MYT1L: variants seen among roughly 807,000 people sequenced by gnomAD.
The protein encoded by MYT1L is myelin transcription factor 1 like.
In MYT1L, 12 loss-of-function variants were observed where a neutral mutation model predicts 126.7. That is an observed-to-expected ratio of 0.09 (90% CI 0.06 to 0.15). The LOEUF is 0.15. Among genes scored for constraint, MYT1L ranks in the 10% least tolerant of loss-of-function variants. The pLI, the probability that MYT1L is intolerant of heterozygous loss-of-function variation, is 1.00. For synonymous variants in MYT1L, 541 were observed against 604.2 expected, an observed-to-expected ratio of 0.90 and a Z score of 1.53; for missense variants, 979 against 1,585.2, an observed-to-expected ratio of 0.62 and a Z score of 6.49.
At chr2:2,085,820 C>G (rs1476076266) in intron 3 of MYT1L, among the ~76,000 whole-genome samples, 1 of 152,198 alleles carries the variant, frequency 6.6e-6, no homozygotes, top group Non-Finnish European at 1.5e-5. Context: ...ACACGCACCT[C>G]TCTCTGAGAC....
chr2:2,179,380 A>C (rs529112449), intron 2 of MYT1L, among the ~76,000 whole-genome samples: 36 of 152,236 alleles, frequency 2.4e-4, no homozygotes, highest in African/African-American at 8.7e-4. Context: ...AGATGAGTTC[A>C]CTTCACCCTC....
chr2:2,028,625 G>A (rs577558809), intron 4 of MYT1L, among the ~76,000 whole-genome samples: 2 of 152,308 alleles, frequency 1.3e-5, no homozygotes, highest in South Asian at 4.1e-4. Flanking sequence ...TCATGGTTCT[G>A]AAATATGCTC....
chr2:2,129,997 A>G (rs1480947700), intron 3 of MYT1L, among the ~76,000 whole-genome samples: 1 of 152,108 alleles, frequency 6.6e-6, no homozygotes, highest in Non-Finnish European at 1.5e-5. Flanking sequence ...TGACTACATA[A>G]ATTTTAATTT....
intron 5 of MYT1L, among the ~76,000 whole-genome samples, chr2:1,989,391 G>A (rs971974244): frequency 2.6e-5 from 4 of 152,122 alleles, no homozygotes; most frequent in African/African-American, 9.7e-5. Context: ...CAGCCCAGGA[G>A]CTGCAGCCCG....
chr2:1,964,627 T>A (rs1413129156), intron 8 of MYT1L, among the ~76,000 whole-genome samples: 1 of 152,206 alleles, frequency 6.6e-6, no homozygotes, highest in African/African-American at 2.4e-5. Flanking sequence ...TTAAAAAAAA[T>A]CTTAACTAGA....
At chr2:2,140,282 T>C (rs2083753109) in intron 3 of MYT1L, among the ~76,000 whole-genome samples, 1 of 152,144 alleles carries the variant, frequency 6.6e-6, no homozygotes, top group African/African-American at 2.4e-5. Flanking sequence ...ACATTAAAAG[T>C]CAGGAACCAA....
chr2:2,082,938 C>A (rs936904214), intron 3 of MYT1L, among the ~76,000 whole-genome samples: 11 of 152,060 alleles, frequency 7.2e-5, no homozygotes, highest in Non-Finnish European at 1.5e-5. Context: ...GTAAGCCAAC[C>A]CTGCTCTCTC....
chr2:1,799,916 C>T (rs1212171936), intron 23 of MYT1L, among the ~76,000 whole-genome samples: 1 of 152,150 alleles, frequency 6.6e-6, no homozygotes, highest in Non-Finnish European at 1.5e-5. Context: ...CCTCTGCTTG[C>T]ACTTCTCCTT....
intron 23 of MYT1L, among the ~76,000 whole-genome samples, chr2:1,796,847 A>T (rs569073805): frequency 1.3e-5 from 2 of 152,222 alleles, no homozygotes; most frequent in East Asian, 3.9e-4. Flanking sequence ...TCCGGCTCTC[A>T]GCACTCATGT....
At chr2:2,244,485 C>T (rs965076240) in intron 2 of MYT1L, among the ~76,000 whole-genome samples, 1 of 152,210 alleles carries the variant, frequency 6.6e-6, no homozygotes, top group Non-Finnish European at 1.5e-5. Flanking sequence ...GGACAGGGCA[C>T]ATAATATCCC....
chr2:1,926,656 G>A (rs1257539725), intron 9 of MYT1L, among the ~76,000 whole-genome samples: 1 of 152,208 alleles, frequency 6.6e-6, no homozygotes, highest in Admixed American at 6.5e-5. Context: ...TTTGCTTCCT[G>A]GGTTCAAGCA....
chr2:2,081,000 G>A (rs941757361), intron 3 of MYT1L, among the ~76,000 whole-genome samples: 1 of 152,230 alleles, frequency 6.6e-6, no homozygotes, highest in Non-Finnish European at 1.5e-5. Context: ...GTCAAGGGCT[G>A]CTGGGAGGGC....
At chr2:1,970,940 G>A (rs1035988516) in intron 8 of MYT1L, among the ~76,000 whole-genome samples, 1 of 152,178 alleles carries the variant, frequency 6.6e-6, no homozygotes, top group Non-Finnish European at 1.5e-5. Context: ...ATTACAGACT[G>A]TTCATCAGTA....
In MYT1L at chr2:2,323,688, A is replaced by G. The variant is rs1573589529; in HGVS notation, c.-521+7279T>C. Among the ~76,000 whole-genome samples the G allele has an allele frequency of 3.3e-5, 5 of 152,312 alleles. No individual in the cohort carries two copies. In the South Asian group the frequency reaches 8.3e-4, roughly 25 times the overall value. ...CAACTCAGAAGACTGATTTGCAAAAATGATCTCCATTTTTCTGAAAAGAAC... is the reference window on the plus strand; with the variant it reads ...CAACTCAGAAGACTGATTTGCAAAAGTGATCTCCATTTTTCTGAAAAGAAC... On this transcript the variant is annotated intron_variant, in intron 1 of 24. Transcript: ENST00000647738.
rs923190925 is a variant in MYT1L at position 2,225,885 on chromosome 2, T to G, written c.-420-52897A>C. On this transcript the variant is annotated intron_variant, in intron 2 of 24. Transcript: ENST00000647738. ...CCATTCTGCTATGAAGTAGGAACTTTCCTAGCTGCACTTTACAGATGAGAA... is the reference window on the plus strand; with the variant it reads ...CCATTCTGCTATGAAGTAGGAACTTGCCTAGCTGCACTTTACAGATGAGAA... Among the ~76,000 whole-genome samples the G allele has an allele frequency of 1.3e-5, 2 of 152,206 alleles. 1 individual carries two copies. The highest frequency in any genetic ancestry group is 4.1e-4 in the South Asian group (2 of 4,834).
At chr2:1,993,836 G>A (rs1196567396) in intron 5 of MYT1L, among the ~76,000 whole-genome samples, 4 of 152,282 alleles carry the variant, frequency 2.6e-5, no homozygotes, top group East Asian at 1.9e-4. Context: ...GTAAAGCCAC[G>A]TGTCTCGTCA....
intron 2 of MYT1L, among the ~76,000 whole-genome samples, chr2:2,260,883 G>T (rs2094947613): frequency 6.6e-6 from 1 of 152,092 alleles, no homozygotes; most frequent in Admixed American, 6.5e-5. Context: ...CTGTTTTGTT[G>T]TCATGGTAAT....
intron 2 of MYT1L, among the ~76,000 whole-genome samples, chr2:2,245,411 G>T (rs1189906446): frequency 6.6e-6 from 1 of 151,812 alleles, no homozygotes; most frequent in Non-Finnish European, 1.5e-5. Flanking sequence ...TCTTTCTTCA[G>T]GAGAAGAAAA....
intron 3 of MYT1L, among the ~76,000 whole-genome samples, chr2:2,061,134 T>C (rs944523603): frequency 2.0e-5 from 3 of 152,190 alleles, no homozygotes; most frequent in Non-Finnish European, 4.4e-5. Flanking sequence ...GAGGCAGATT[T>C]GATCCTTGCT....
Sources: gnomAD v4.1 joint callset for allele counts (sites outside exome capture counted in the v4.1 genomes callset) on GRCh38, gnomAD v4.1.1 for gene constraint, MANE v1.5 for transcripts, NCBI Gene and HGNC (gene_info 2026-07-23, HGNC 2026-07-21) for gene names.